Variants in PLEKHD1 observed in about 807,000 individuals in gnomAD.
PLEKHD1 encodes the protein pleckstrin homology domain-containing family D member 1.
PLEKHD1 carries 51 observed loss-of-function variants against 69.2 expected under a neutral mutation model. The observed-to-expected ratio is 0.74, with a 90% confidence interval of 0.59 to 0.93. The LOEUF is 0.93. Among genes scored for constraint, PLEKHD1 ranks in the 40% least tolerant of loss-of-function variants. PLEKHD1 has a pLI of 0.00. For missense variants in PLEKHD1, 584 were observed against 641.0 expected (o/e 0.91, Z 0.96); for synonymous variants, 236 against 244.7 (o/e 0.96, Z 0.33).
rs551049750 is a variant in PLEKHD1, at chr14:69,530,500, A to G, written c.*2081A>G. On this transcript the variant is annotated 3_prime_UTR_variant, in exon 13 of 13. Transcript: ENST00000322564. ...CCAAGATTACTGTTTCCTTTTTTTTAAAAGAATTAATCATGGCTTGCTTTT... is the reference window on the plus strand; with the variant it reads ...CCAAGATTACTGTTTCCTTTTTTTTGAAAGAATTAATCATGGCTTGCTTTT... 1 of 152,132 alleles carries G rather than the reference A, an allele frequency of 6.6e-6. No individual in the cohort carries two copies. The highest frequency in any genetic ancestry group is 1.9e-4 in the East Asian group (1 of 5,198). The allele number at this position is 152,132 out of a possible 1,614,324, so 9.4% of individuals were successfully genotyped here. A position where few individuals can be genotyped will look rare whatever the true frequency, so the allele number is the denominator to read the frequency against.
intron 7 of PLEKHD1, 83 bp from the exon 8 acceptor site, chr14:69,524,146 G>C: frequency 1.7e-6 from 2 of 1,167,308 alleles, no homozygotes; most frequent in South Asian, 1.4e-5. Context: ...AGGAAGTGAA[G>C]CAAAAGCATT....
chr14:69,490,281 T>G (rs903295311), intron 1 of PLEKHD1, among the ~76,000 whole-genome samples: 8 of 152,172 alleles, frequency 5.3e-5, no homozygotes, highest in African/African-American at 1.9e-4. Flanking sequence ...AGGCATTAGA[T>G]TCTCATAATG....
intron 1 of PLEKHD1, among the ~76,000 whole-genome samples, chr14:69,490,409 C>T (rs544005594): frequency 1.4e-4 from 21 of 152,292 alleles, no homozygotes; most frequent in East Asian, 9.6e-4. Context: ...ATGCCAGCCA[C>T]GGGGAGAAGC....
At position 69,528,297 on chromosome 14, in the gene PLEKHD1, A is replaced by G; in HGVS notation, c.1399A>G (p.Met467Val). ...FMTSQLDANN[M>V]EELKEVAKRL... ...GACCTCCCAGCTGGATGCCAACAAC[A>G]TGGAGGAGCTAAAGGAGGTGGCCAA... Residue 467 changes from methionine to valine, a missense_variant, in exon 13 of 13, where the codon ATG (methionine) becomes GTG (valine). By Grantham distance (21) the Met-to-Val change is conservative (BLOSUM62 1). Transcript: ENST00000322564. 1 of 1,551,680 alleles carries G rather than the reference A, an allele frequency of 6.4e-7. No homozygotes were observed. The highest frequency in any genetic ancestry group is 8.7e-7 in the Non-Finnish European group (1 of 1,146,974).
chr14:69,502,576 A>C, intron 5 of PLEKHD1: 1 of 517,592 alleles, frequency 1.9e-6, no homozygotes. Context: ...GGATGCAGAG[A>C]CTGCTTTGAA....
intron 12 of PLEKHD1, 87 bp from the exon 13 acceptor site, chr14:69,528,163 T>A (rs954856547): frequency 6.7e-7 from 1 of 1,484,006 alleles, no homozygotes; most frequent in Non-Finnish European, 9.1e-7. Flanking sequence ...CATAAAGGAG[T>A]GAGGGGGTGG....
chr14:69,500,521 C>G, intron 2 of PLEKHD1, 56 bp from the exon 3 acceptor site: 3 of 1,452,072 alleles, frequency 2.1e-6, no homozygotes, highest in Non-Finnish European at 2.8e-6. Context: ...CCCCCAGAAC[C>G]CCTGAGTGAC....
chr14:69,489,803 G>A (rs887001023), intron 1 of PLEKHD1, among the ~76,000 whole-genome samples: 1 of 152,106 alleles, frequency 6.6e-6, no homozygotes. Context: ...CAGGGGTACA[G>A]CTCCAAGACT....
intron 6 of PLEKHD1, among the ~76,000 whole-genome samples, chr14:69,516,761 C>T (rs942961872): frequency 2.6e-5 from 4 of 152,174 alleles, no homozygotes; most frequent in Admixed American, 2.0e-4. Context: ...CCTCGACCTC[C>T]TGGGCTCAAG....
chr14:69,513,873 A>C (rs1235565798), intron 6 of PLEKHD1, among the ~76,000 whole-genome samples: 1 of 152,172 alleles, frequency 6.6e-6, no homozygotes, highest in African/African-American at 2.4e-5. Context: ...CAGAATTCTA[A>C]GCTGGTGTTT....
At chr14:69,522,091 G>C (rs1374159283) in intron 6 of PLEKHD1, among the ~76,000 whole-genome samples, 192 bp from the exon 7 acceptor site, 1 of 152,200 alleles carries the variant, frequency 6.6e-6, no homozygotes. Flanking sequence ...ATTCATCATA[G>C]ATTTTGGGTT....
intron 6 of PLEKHD1, among the ~76,000 whole-genome samples, chr14:69,506,891 C>CTTTTTTTTTTTT (rs1162412450): frequency 0.013 from 1,039 of 78,056 alleles, 109 homozygotes; most frequent in African/African-American, 0.036. Context: ...CTGGCAACTG[C>CTTTTTTTTTTTT]TTTTTTTTTT....
At chr14:69,519,988 C>T (rs888906029) in intron 6 of PLEKHD1, among the ~76,000 whole-genome samples, 1 of 151,718 alleles carries the variant, frequency 6.6e-6, no homozygotes, top group South Asian at 2.1e-4. Context: ...ATGGTAGAAC[C>T]CCCGCTGAAC....
In PLEKHD1 at chr14:69,501,837, G is replaced by A; in HGVS notation, c.502+12G>A. 4 of 1,546,176 alleles carry A rather than the reference G, an allele frequency of 2.6e-6. No individual in the cohort carries two copies. Among genetic ancestry groups the A allele is most frequent in the Non-Finnish European group, 3.5e-6 (4 of 1,142,498 alleles). ...GCAGGAGTATTTAGGTTGGCTGGAG[G>A]GGTGGTTCCCTAATGGTAGCAGCAC... On this transcript the variant is annotated intron_variant, in intron 5 of 12. Coordinates refer to ENST00000322564, the MANE Select transcript of PLEKHD1 (RefSeq NM_001161498.2).
At position 69,528,475 on chromosome 14, in the gene PLEKHD1, G is replaced by T; in HGVS notation, c.*56G>T. Reference sequence around the variant, plus strand: ...CCCTGGATGGGCGGGGGAGGGGAAGGGGTGGCAGAGGGAGGCCTCACTCTA... The same window carrying T: ...CCCTGGATGGGCGGGGGAGGGGAAGTGGTGGCAGAGGGAGGCCTCACTCTA... On this transcript the variant is annotated 3_prime_UTR_variant, in exon 13 of 13. Transcript: ENST00000322564. The T allele has an allele frequency of 6.6e-7, 1 of 1,519,056 alleles. No homozygotes were observed. The highest frequency in any genetic ancestry group is 1.2e-5 in the South Asian group (1 of 80,320). The allele number at this position is 1,519,056 out of a possible 1,614,324, so 94.1% of individuals were successfully genotyped here.
chr14:69,480,476 C>T (rs1158729953), upstream of PLEKHD1, among the ~76,000 whole-genome samples: 2 of 152,154 alleles, frequency 1.3e-5, no homozygotes, highest in Non-Finnish European at 2.9e-5. Flanking sequence ...GGGCAGGGAG[C>T]TGAGGAGTTG....
At position 69,504,406 on chromosome 14, in the gene PLEKHD1, C is replaced by G. The variant is rs967717916; in HGVS notation, c.555+1527C>G. 2.6e-5 allele frequency among the ~76,000 whole-genome samples: 4 copies of G among 152,256 alleles called. No individual in the cohort carries two copies. The East Asian group carries it at 5.8e-4, about 22-fold the overall frequency. ...CCTCTAACTTGACTCTTAGGAAGTCCTCAGTTTTCCCACCCACCCCTCCCT... is the reference window on the plus strand; with the variant it reads ...CCTCTAACTTGACTCTTAGGAAGTCGTCAGTTTTCCCACCCACCCCTCCCT... On this transcript the variant is annotated intron_variant, in intron 6 of 12. Coordinates refer to ENST00000322564, the MANE Select transcript of PLEKHD1 (RefSeq NM_001161498.2).
chr14:69,498,602 T>TCTTCTCTTCTCTTCA (rs1376419233), intron 1 of PLEKHD1, among the ~76,000 whole-genome samples: 1 of 108,736 alleles, frequency 9.2e-6, no homozygotes, highest in Non-Finnish European at 2.0e-5. Context: ...TCTTCTCTTC[T>TCTTCTCTTCTCTTCA]CTTCTCTTCT....
intron 4 of PLEKHD1, chr14:69,501,239 C>G: frequency 2.0e-6 from 1 of 494,922 alleles, no homozygotes; most frequent in Non-Finnish European, 3.7e-6. Flanking sequence ...CTCCCCAGGC[C>G]CATAATTAAT....
Sources: gnomAD v4.1 joint callset for allele counts (sites outside exome capture counted in the v4.1 genomes callset) on GRCh38, gnomAD v4.1.1 for gene constraint, MANE v1.5 for transcripts, NCBI Gene and HGNC (gene_info 2026-07-23, HGNC 2026-07-21) for gene names.